The following PARD3B variants were observed in gnomAD, a reference collection of about 807,000 sequenced individuals.
PARD3B encodes par-3 family cell polarity regulator beta.
PARD3B carries 103 observed loss-of-function variants against 130.2 expected under a neutral mutation model. That is an observed-to-expected ratio of 0.79 (90% confidence interval 0.67 to 0.93). The LOEUF (loss-of-function observed/expected upper bound fraction) is 0.93. PARD3B is among the 40% of genes least tolerant of loss of function. The pLI, the probability that PARD3B is intolerant of heterozygous loss-of-function variation, is 0.00. For synonymous variants in PARD3B, 583 were observed against 553.2 expected, an observed-to-expected ratio of 1.05 and a Z score of -0.76; for missense variants, 1,609 against 1,499.2, an observed-to-expected ratio of 1.07 and a Z score of -1.21.
intron 2 of PARD3B, among the ~76,000 whole-genome samples, chr2:204,923,598 G>A (rs1029956138): frequency 6.6e-6 from 1 of 151,904 alleles, no homozygotes; most frequent in Non-Finnish European, 1.5e-5. Flanking sequence ...AATTAGGAAG[G>A]CAATGTCTTA....
intron 22 of PARD3B, among the ~76,000 whole-genome samples, chr2:205,573,812 T>G (rs192905945): frequency 6.9e-4 from 105 of 152,284 alleles, no homozygotes; most frequent in African/African-American, 2.5e-3. Flanking sequence ...AAATTTATAC[T>G]CTTTGTGAGA....
intron 21 of PARD3B, among the ~76,000 whole-genome samples, chr2:205,544,935 G>T (rs1405017665): frequency 1.3e-5 from 2 of 152,232 alleles, no homozygotes. Flanking sequence ...GCACAGTGTG[G>T]TTAAAAGACT....
chr2:205,501,023 G>T (rs2050140049), intron 21 of PARD3B, among the ~76,000 whole-genome samples: 2 of 152,130 alleles, frequency 1.3e-5, no homozygotes, highest in Non-Finnish European at 2.9e-5. Context: ...TTCACACTCA[G>T]GTTTATGCTC....
rs113512935 is a variant in PARD3B, at chr2:205,228,372, C to G, written c.2141-17406C>G. 3.5e-4 allele frequency among the ~76,000 whole-genome samples: 54 copies of G among 152,288 alleles called. 1 individual carries two copies. The highest frequency in any genetic ancestry group is 1.2e-3 in the African/African-American group (51 of 41,568). On this transcript the variant is annotated intron_variant, in intron 15 of 22. Coordinates refer to ENST00000406610, the MANE Select transcript of PARD3B (RefSeq NM_001302769.2). ...TTGAAGGATATTTATGCCAGATATA[C>G]TATTCTAGAATAAAAAGCGTTCTTT... is the stretch of plus-strand genomic sequence containing the variant.
chr2:204,594,082 G>A (rs985826144), intron 1 of PARD3B, among the ~76,000 whole-genome samples: 3 of 152,186 alleles, frequency 2.0e-5, no homozygotes, highest in African/African-American at 7.2e-5. Flanking sequence ...AAATGAAATG[G>A]AGTCTATGAT....
intron 2 of PARD3B, among the ~76,000 whole-genome samples, chr2:204,762,490 A>G (rs1006244049): frequency 1.3e-5 from 2 of 152,264 alleles, no homozygotes; most frequent in East Asian, 1.9e-4. Flanking sequence ...CAGGATTTCT[A>G]TGAAGTTAGA....
chr2:205,504,427 A>G (rs538337193), intron 21 of PARD3B, among the ~76,000 whole-genome samples: 1 of 152,338 alleles, frequency 6.6e-6, no homozygotes, highest in African/African-American at 2.4e-5. Context: ...TCTGCACAGC[A>G]AAAGAAACTA....
intron 18 of PARD3B, among the ~76,000 whole-genome samples, chr2:205,396,798 A>G (rs1438851988): frequency 6.6e-6 from 1 of 152,228 alleles, no homozygotes; most frequent in South Asian, 2.1e-4. Context: ...CCTGGAATGC[A>G]GTGCATATTT....
chr2:204,589,032 C>T (rs560391696), intron 1 of PARD3B, among the ~76,000 whole-genome samples: 1 of 152,002 alleles, frequency 6.6e-6, no homozygotes, highest in Non-Finnish European at 1.5e-5. Flanking sequence ...TGTTAAGACC[C>T]GATAAATATT....
intron 10 of PARD3B, among the ~76,000 whole-genome samples, chr2:205,156,354 T>G (rs1238193519): frequency 6.6e-6 from 1 of 151,726 alleles, no homozygotes; most frequent in East Asian, 1.9e-4. Flanking sequence ...ATGGCACATG[T>G]ATACATATGT....
At chr2:204,933,006 C>G (rs1177928189) in intron 2 of PARD3B, among the ~76,000 whole-genome samples, 1 of 152,094 alleles carries the variant, frequency 6.6e-6, no homozygotes, top group Non-Finnish European at 1.5e-5. Flanking sequence ...TGGCAAAATT[C>G]AAGACTCCCC....
rs945924848 is a variant in PARD3B, at chr2:205,359,012, C to T, written c.2631-42001C>T. ...TTAAATTCGCAAACATTTCTGGATC[C>T]TCCCTAGACCTGTGAAATCAGAATT... On this transcript the variant is annotated intron_variant, in intron 18 of 22. Coordinates refer to ENST00000406610, the MANE Select transcript of PARD3B (RefSeq NM_001302769.2). Among the ~76,000 whole-genome samples the T allele has an allele frequency of 7.9e-5, 12 of 152,230 alleles. No homozygotes were observed. The East Asian group carries it at 2.3e-3, about 29-fold the overall frequency.
At chr2:205,010,157 C>T (rs990347987) in intron 3 of PARD3B, among the ~76,000 whole-genome samples, 1 of 151,942 alleles carries the variant, frequency 6.6e-6, no homozygotes, top group East Asian at 1.9e-4. Flanking sequence ...TGGAGAGAGT[C>T]GGGGGAGATC....
chr2:204,886,015 A>G lies in PARD3B; in HGVS notation c.223-79137A>G, dbSNP rs116628916. ...GCATGTATTTGGTCACCTGCAGAGA[A>G]TAGCTGAATTGCAAACTCAGTTTCC... On this transcript the variant is annotated intron_variant, in intron 2 of 22. Transcript: ENST00000406610. 5.6e-3 allele frequency among the ~76,000 whole-genome samples: 853 copies of G among 152,314 alleles called. 11 individuals are homozygous for G. Among genetic ancestry groups the G allele is most frequent in the Non-Finnish European group, 7.6e-3 (514 of 68,024 alleles).
Position 205,352,164 on chromosome 2 carries a change from G to A in PARD3B, c.2631-48849G>A, listed in dbSNP as rs1370907486. 6.6e-6 allele frequency among the ~76,000 whole-genome samples: 1 copy of A among 151,980 alleles called. No homozygotes were observed. Among genetic ancestry groups the A allele is most frequent in the Non-Finnish European group, 1.5e-5 (1 of 68,002 alleles). On this transcript the variant is annotated intron_variant, in intron 18 of 22. Coordinates refer to ENST00000406610, the MANE Select transcript of PARD3B (RefSeq NM_001302769.2). The surrounding 1 kb of genome is among the most constrained non-coding windows in gnomAD (Gnocchi z 5.2). Reference sequence around the variant, plus strand: ...TGAGCTTAGTGCTTTTTGTAGGGTCGGCATATTATAGGTTTCCCTCATAAT... The same window carrying A: ...TGAGCTTAGTGCTTTTTGTAGGGTCAGCATATTATAGGTTTCCCTCATAAT...
chr2:205,223,470 TGAAAG>T (rs2038353606), intron 15 of PARD3B, among the ~76,000 whole-genome samples: 1 of 152,150 alleles, frequency 6.6e-6, no homozygotes, highest in Non-Finnish European at 1.5e-5. Flanking sequence ...TGAGAATTCT[TGAAAG>T]GAAGACCTGA....
intron 2 of PARD3B, among the ~76,000 whole-genome samples, chr2:204,744,726 G>A (rs2040145334): frequency 6.6e-6 from 1 of 152,102 alleles, no homozygotes; most frequent in South Asian, 2.1e-4. Flanking sequence ...GGGAGTCAAG[G>A]CTGTCAGCTA....
intron 18 of PARD3B, among the ~76,000 whole-genome samples, chr2:205,363,213 A>T (rs187516847): frequency 3.9e-4 from 60 of 152,304 alleles, no homozygotes; most frequent in South Asian, 8.3e-4. Flanking sequence ...ACTAAGAACC[A>T]GGGAAAATCA....
chr2:204,677,480 C>T lies in PARD3B; in HGVS notation c.121-8701C>T, dbSNP rs1189411316. Among the ~76,000 whole-genome samples, 2 of 152,210 alleles carry T rather than the reference C, an allele frequency of 1.3e-5. No individual in the cohort carries two copies. Among genetic ancestry groups the T allele is most frequent in the East Asian group, 3.8e-4 (2 of 5,204 alleles). Reference sequence around the variant, plus strand: ...TTTGTTCTCCAATTTAGACAAGCCTCAATTAATTCAGCTCACTCATCATAA... The same window carrying T: ...TTTGTTCTCCAATTTAGACAAGCCTTAATTAATTCAGCTCACTCATCATAA... On this transcript the variant is annotated intron_variant, in intron 1 of 22. Transcript: ENST00000406610. The surrounding 1 kb of genome is among the most constrained non-coding windows in gnomAD (Gnocchi z 4.1).
Sources: allele counts gnomAD v4.1 joint callset (sites outside exome capture counted in the v4.1 genomes callset), GRCh38; gene constraint gnomAD v4.1.1; non-coding constraint Gnocchi (gnomAD v3.1); transcripts MANE v1.5; gene names NCBI Gene and HGNC (gene_info 2026-07-23, HGNC 2026-07-21).